The following SMAD6 variants were observed in gnomAD, a reference collection of about 807,000 sequenced individuals.
The protein encoded by SMAD6 is MAD homolog 6.
In SMAD6, 103 loss-of-function variants were observed where a neutral mutation model predicts 39.4. The ratio of observed to expected loss-of-function variants is 2.62; its 90% CI spans 2.23 to 3.08. SMAD6 has a LOEUF of 3.08. Among genes scored for constraint, SMAD6 ranks in the 30% most tolerant of loss-of-function variants. The probability of loss-of-function intolerance (pLI) is 0.00; values close to 1 mark genes in which losing one functional copy is unlikely to be tolerated. For synonymous variants in SMAD6, 445 were observed against 353.3 expected, an observed-to-expected ratio of 1.26 and a Z score of -2.91; for missense variants, 1,104 against 742.9, an observed-to-expected ratio of 1.49 and a Z score of -5.65.
intron 3 of SMAD6, among the ~76,000 whole-genome samples, chr15:66,726,907 G>T (rs1447801464): frequency 1.3e-5 from 2 of 151,582 alleles, no homozygotes; most frequent in Non-Finnish European, 2.9e-5. Flanking sequence ...ACTCTAATGC[G>T]CAGCCTGGGC....
At position 66,781,248 on chromosome 15, in the gene SMAD6, GC is replaced by G; in HGVS notation, c.1206del (p.Tyr403ThrfsTer136). ...LLSKEPDGVWAYNRGEHPIFV... is the reference protein window; with the variant it reads ...LLSKEPDGVWXYNRGEHPIFV... Reference sequence around the variant, plus strand: ...CAGCAAGGAGCCCGACGGCGTGTGGGCCTACAACCGCGGCGAGCACCCCATC... The same window carrying G: ...CAGCAAGGAGCCCGACGGCGTGTGGGCTACAACCGCGGCGAGCACCCCATC... On this transcript the variant is annotated frameshift_variant, in exon 4 of 4. Coordinates refer to ENST00000288840, the MANE Select transcript of SMAD6 (RefSeq NM_005585.5). LOFTEE classifies it high-confidence loss of function. 1 of 1,608,370 alleles carries G rather than the reference GC, an allele frequency of 6.2e-7. No individual in the cohort carries two copies. Among genetic ancestry groups the G allele is most frequent in the Non-Finnish European group, 8.5e-7 (1 of 1,179,424 alleles).
intron 3 of SMAD6, among the ~76,000 whole-genome samples, chr15:66,735,249 C>T (rs1361994143): frequency 1.3e-5 from 2 of 152,192 alleles, no homozygotes; most frequent in African/African-American, 4.8e-5. Context: ...AGTGGATGGC[C>T]GGGTGCCTGC....
intron 3 of SMAD6, among the ~76,000 whole-genome samples, chr15:66,765,229 C>T (rs557443628): frequency 9.9e-5 from 15 of 151,756 alleles, no homozygotes; most frequent in African/African-American, 3.4e-4. Flanking sequence ...AGGCTCAGGA[C>T]TTCTTTTTTT....
intron 3 of SMAD6, among the ~76,000 whole-genome samples, chr15:66,724,389 T>TTTAATGA (rs1893486293): frequency 6.6e-6 from 1 of 152,178 alleles, no homozygotes; most frequent in Non-Finnish European, 1.5e-5. Flanking sequence ...ATCACACATA[T>TTTAATGA]TTAATGATCA....
intron 3 of SMAD6, among the ~76,000 whole-genome samples, chr15:66,745,112 A>C: frequency 6.6e-6 from 1 of 151,954 alleles, no homozygotes; most frequent in African/African-American, 2.4e-5. Context: ...TCTTAGCAGG[A>C]CCCTCCAAGG....
chr15:66,734,763 C>T (rs528327647), intron 3 of SMAD6, among the ~76,000 whole-genome samples: 8 of 152,302 alleles, frequency 5.3e-5, no homozygotes, highest in Admixed American at 2.6e-4. Context: ...TGAAAAAGCT[C>T]TGGAACTAGA....
intron 3 of SMAD6, among the ~76,000 whole-genome samples, chr15:66,731,166 C>T (rs1008804868): frequency 1.3e-5 from 2 of 151,982 alleles, no homozygotes; most frequent in South Asian, 2.1e-4. Flanking sequence ...AGGCCGGGCG[C>T]GGTGGCTCAT....
At chr15:66,713,971 A>G (rs1453439767) in intron 2 of SMAD6, among the ~76,000 whole-genome samples, 1 of 152,194 alleles carries the variant, frequency 6.6e-6, no homozygotes, top group Non-Finnish European at 1.5e-5. Flanking sequence ...TTGAGGTACA[A>G]ACTCAGAGCA....
At position 66,703,399 on chromosome 15, in the gene SMAD6, G is replaced by A. The variant is rs1004603974; in HGVS notation, c.141G>A (p.Pro47=). 249 of 1,395,576 alleles carry A rather than the reference G, an allele frequency of 1.8e-4. No homozygotes were observed. The highest frequency in any genetic ancestry group is 2.2e-4 in the Non-Finnish European group (236 of 1,074,090). 86.4% of individuals were successfully genotyped at this position (1,395,576 alleles called of 1,614,324 possible). A position where few individuals can be genotyped will look rare whatever the true frequency, so the allele number is the denominator to read the frequency against. ...TGGGCAGCCGAGCTGAGCCGGCCCC[G>A]CGGGCAAGAGAGGGCGGAGGCTGCG... ...GSLGSRAEPA[P]RAREGGGCGR... The change falls in exon 1 of 4, where the codon CCG becomes CCA. Residue 47 remains proline, a synonymous_variant. Coordinates refer to ENST00000288840, the MANE Select transcript of SMAD6 (RefSeq NM_005585.5).
intron 3 of SMAD6, among the ~76,000 whole-genome samples, chr15:66,750,116 G>A (rs1222070437): frequency 6.8e-6 from 1 of 147,980 alleles, no homozygotes; most frequent in Non-Finnish European, 1.5e-5. Flanking sequence ...GACGCAGGGG[G>A]CCTTCTTTGC....
intron 3 of SMAD6, chr15:66,740,951 C>G (rs937781272): frequency 2.0e-5 from 3 of 152,180 alleles, no homozygotes; most frequent in African/African-American, 7.2e-5. Context: ...CTGGATACAT[C>G]AGTTGGTGAG....
Position 66,781,191 on chromosome 15 carries a change from ACG to A in SMAD6, c.1151_1152del (p.Arg384GlnfsTer180). The A allele has an allele frequency of 6.2e-7, 1 of 1,608,036 alleles. No homozygotes were observed. Among genetic ancestry groups the A allele is most frequent in the Non-Finnish European group, 8.5e-7 (1 of 1,179,744 alleles). ...LEQRSESVRR[T>X]RSKIGFGILL... ...GCAGCGCAGCGAGTCGGTGCGGCGA[ACG>A]CGCAGCAAGATCGGCTTCGGCATCC... On this transcript the variant is annotated frameshift_variant, in exon 4 of 4. Coordinates refer to ENST00000288840, the MANE Select transcript of SMAD6 (RefSeq NM_005585.5). LOFTEE classifies it high-confidence loss of function.
intron 3 of SMAD6, among the ~76,000 whole-genome samples, chr15:66,770,234 T>TGTCTCTGTG (rs1255761505): frequency 6.6e-6 from 1 of 152,198 alleles, no homozygotes; most frequent in Non-Finnish European, 1.5e-5. Context: ...GGGCCAATTT[T>TGTCTCTGTG]GTCTCTGTGG....
intron 3 of SMAD6, among the ~76,000 whole-genome samples, chr15:66,764,313 C>T (rs373306910): frequency 2.2e-4 from 33 of 150,464 alleles, no homozygotes; most frequent in African/African-American, 6.8e-4. Context: ...TTTTTTACTT[C>T]GACCCAGCTG....
At chr15:66,741,999 T>A (rs907438637) in intron 3 of SMAD6, among the ~76,000 whole-genome samples, 2 of 152,168 alleles carry the variant, frequency 1.3e-5, no homozygotes, top group Admixed American at 6.5e-5. Context: ...GAAGCCAGAC[T>A]GGGGGAGAGA....
chr15:66,732,870 A>G (rs2140627165), intron 3 of SMAD6, among the ~76,000 whole-genome samples: 1 of 152,008 alleles, frequency 6.6e-6, no homozygotes, highest in Admixed American at 6.5e-5. Flanking sequence ...TTTTTATGTC[A>G]GTTATATGAA....
intron 3 of SMAD6, among the ~76,000 whole-genome samples, chr15:66,735,207 C>T (rs569221625): frequency 2.6e-5 from 4 of 152,362 alleles, no homozygotes; most frequent in Admixed American, 6.5e-5. Flanking sequence ...CCACCAAAGC[C>T]ACACCATAGT....
chr15:66,748,230 G>C (rs1336750656), intron 3 of SMAD6, among the ~76,000 whole-genome samples: 1 of 150,230 alleles, frequency 6.7e-6, no homozygotes, highest in Non-Finnish European at 1.5e-5. Flanking sequence ...TAAATAAGGA[G>C]TAGCCCCAGA....
intron 3 of SMAD6, among the ~76,000 whole-genome samples, chr15:66,751,075 A>C (rs1362855236): frequency 6.6e-6 from 1 of 152,222 alleles, no homozygotes; most frequent in African/African-American, 2.4e-5. Flanking sequence ...AGGAGAGCCC[A>C]GCAAGCCCCT....
Sources: gnomAD v4.1 joint callset for allele counts (sites outside exome capture counted in the v4.1 genomes callset) on GRCh38, gnomAD v4.1.1 for gene constraint, MANE v1.5 for transcripts, NCBI Gene and HGNC (gene_info 2026-07-23, HGNC 2026-07-21) for gene names.